The following CTNND2 variants were observed in gnomAD, a reference collection of about 807,000 sequenced individuals.
CTNND2 encodes catenin delta-2.
In CTNND2, 22 loss-of-function variants were observed where a neutral mutation model predicts 144.4. That is an observed-to-expected ratio of 0.15 (90% CI 0.11 to 0.22). The LOEUF is 0.22. CTNND2 is among the 10% of genes least tolerant of loss of function. The pLI is 1.00. For synonymous variants in CTNND2, 751 were observed against 695.6 expected (o/e 1.08, Z -1.25); for missense variants, 1,353 against 1,618.8 (o/e 0.84, Z 2.82).
chr5:11,419,809 C>T (rs1218848523), intron 3 of CTNND2, among the ~76,000 whole-genome samples: 1 of 152,214 alleles, frequency 6.6e-6, no homozygotes, highest in South Asian at 2.1e-4. Context: ...GATATTCCAT[C>T]TGTTATGAAC....
chr5:11,158,869 TACA>T (rs905775728), intron 12 of CTNND2, among the ~76,000 whole-genome samples: 74 of 152,314 alleles, frequency 4.9e-4, no homozygotes, highest in African/African-American at 1.7e-3. Context: ...TGGTACAAAA[TACA>T]ACACTTTTGG....
intron 2 of CTNND2, among the ~76,000 whole-genome samples, chr5:11,618,159 T>C (rs1185182291): frequency 6.6e-6 from 1 of 151,866 alleles, no homozygotes; most frequent in Non-Finnish European, 1.5e-5. Context: ...TTCATGTCAT[T>C]TGAAAAATCT....
chr5:11,318,251 A>T (rs1041979045), intron 9 of CTNND2, among the ~76,000 whole-genome samples: 3 of 152,120 alleles, frequency 2.0e-5, no homozygotes, highest in Non-Finnish European at 4.4e-5. Context: ...GTCCCCTGCT[A>T]TCATCCCTTC....
chr5:11,017,964 C>G lies in CTNND2; in HGVS notation c.3084+10G>C, dbSNP rs1480355863. The G allele has an allele frequency of 1.9e-6, 3 of 1,611,488 alleles. No individual in the cohort carries two copies. The highest frequency in any genetic ancestry group is 2.2e-5 in the East Asian group (1 of 44,840). ...GTTTGGACTCAGGGCCCAGGTGAAGCCAGCCTTACCTTTTTGTAGAGACTC... is the reference window on the plus strand; with the variant it reads ...GTTTGGACTCAGGGCCCAGGTGAAGGCAGCCTTACCTTTTTGTAGAGACTC... On this transcript the variant is annotated intron_variant, in intron 18 of 21. Transcript: ENST00000304623.
intron 12 of CTNND2, among the ~76,000 whole-genome samples, chr5:11,123,924 CCA>C (rs1754392747): frequency 2.0e-5 from 3 of 152,186 alleles, no homozygotes; most frequent in Admixed American, 2.0e-4. Context: ...ACCATGGCCC[CCA>C]CACACACCAG....
chr5:11,834,586 T>G (rs1003163997), intron 1 of CTNND2, among the ~76,000 whole-genome samples: 4 of 152,204 alleles, frequency 2.6e-5, no homozygotes, highest in Non-Finnish European at 5.9e-5. Flanking sequence ...AATACCTATA[T>G]AAATAAATAA....
chr5:11,032,254 G>A (rs1004298594), intron 16 of CTNND2, among the ~76,000 whole-genome samples: 1 of 152,152 alleles, frequency 6.6e-6, no homozygotes, highest in East Asian at 1.9e-4. Context: ...GTGATTGGAT[G>A]TCTGTAAGTT....
intron 2 of CTNND2, among the ~76,000 whole-genome samples, chr5:11,570,777 G>T (rs999552856): frequency 3.3e-5 from 5 of 151,662 alleles, no homozygotes; most frequent in African/African-American, 7.3e-5. Flanking sequence ...GGGATCTTTC[G>T]ATCAAAAACC....
At chr5:11,715,648 T>C (rs1199750547) in intron 2 of CTNND2, among the ~76,000 whole-genome samples, 2 of 152,200 alleles carry the variant, frequency 1.3e-5, no homozygotes, top group Non-Finnish European at 2.9e-5. Context: ...AATGCTTCAA[T>C]TCATGCATAG....
chr5:11,252,935 T>C (rs1743822497), intron 9 of CTNND2, among the ~76,000 whole-genome samples: 1 of 152,226 alleles, frequency 6.6e-6, no homozygotes. Flanking sequence ...TCAAGAGTTG[T>C]GTAATCTAAA....
At chr5:11,385,390 C>T (rs1025521091) in intron 6 of CTNND2, among the ~76,000 whole-genome samples, 161 bp from the exon 7 acceptor site, 6 of 152,186 alleles carry the variant, frequency 3.9e-5, no homozygotes, top group Middle Eastern at 3.4e-3. Flanking sequence ...CGAACCTGCG[C>T]CCCGAACTCT....
chr5:11,766,070 C>A (rs1789570792), intron 1 of CTNND2, among the ~76,000 whole-genome samples: 1 of 152,136 alleles, frequency 6.6e-6, no homozygotes, highest in Admixed American at 6.5e-5. Context: ...TATTTACCTT[C>A]TGTAATAAGG....
intron 1 of CTNND2, among the ~76,000 whole-genome samples, chr5:11,850,168 T>C (rs1034848259): frequency 6.6e-6 from 1 of 152,116 alleles, no homozygotes; most frequent in African/African-American, 2.4e-5. Context: ...TGAGCTGAGA[T>C]GCTAATACAG....
chr5:11,764,704 C>G (rs1229288061), intron 1 of CTNND2, among the ~76,000 whole-genome samples: 3 of 152,166 alleles, frequency 2.0e-5, no homozygotes, highest in Non-Finnish European at 4.4e-5. Context: ...TGATACAGTT[C>G]AGTCAGCTCT....
intron 16 of CTNND2, among the ~76,000 whole-genome samples, chr5:11,063,336 A>G (rs1747210215): frequency 6.6e-6 from 1 of 152,188 alleles, no homozygotes. Context: ...TTCCAATACA[A>G]TTTTACATTT....
chr5:11,662,185 GTGTATATA>G (rs1377908031), intron 2 of CTNND2, among the ~76,000 whole-genome samples: 1 of 123,086 alleles, frequency 8.1e-6, no homozygotes, highest in Non-Finnish European at 1.8e-5. Context: ...ATACATATAT[GTGTATATA>G]TGTGTATATA....
At chr5:11,130,323 C>T (rs1447504359) in intron 12 of CTNND2, among the ~76,000 whole-genome samples, 4 of 152,206 alleles carry the variant, frequency 2.6e-5, no homozygotes, top group South Asian at 2.1e-4. Flanking sequence ...CTTTTGATGA[C>T]GATTAAACAC....
intron 2 of CTNND2, among the ~76,000 whole-genome samples, chr5:11,645,505 T>C (rs1160403914): frequency 1.3e-5 from 2 of 152,234 alleles, no homozygotes; most frequent in African/African-American, 4.8e-5. Context: ...AATTCAATTA[T>C]ACGTGAATGA....
chr5:11,188,550 A>G (rs571894037), intron 11 of CTNND2, among the ~76,000 whole-genome samples: 59 of 152,354 alleles, frequency 3.9e-4, no homozygotes, highest in African/African-American at 1.3e-3. Flanking sequence ...GCAAGCCACC[A>G]TGGCACACAT....
Sources: allele counts gnomAD v4.1 joint callset (sites outside exome capture counted in the v4.1 genomes callset), GRCh38; gene constraint gnomAD v4.1.1; transcripts MANE v1.5; gene names NCBI Gene and HGNC (gene_info 2026-07-23, HGNC 2026-07-21).